The following ELFN1 variants were observed in gnomAD, a reference collection of about 807,000 sequenced individuals.
ELFN1 encodes extracellular leucine rich repeat and fibronectin type III domain containing 1.
A neutral mutation model predicts 7.6 loss-of-function variants in ELFN1; 6 were observed. The ratio of observed to expected loss-of-function variants is 0.79; its 90% CI spans 0.43 to 1.56. ELFN1 has a LOEUF of 1.56. ELFN1 is among the 40% of genes most tolerant of loss of function. The pLI is 0.01. For missense variants in ELFN1, 1,169 were observed against 1,232.2 expected, an observed-to-expected ratio of 0.95 and a Z score of 0.77; for synonymous variants, 657 against 588.1, an observed-to-expected ratio of 1.12 and a Z score of -1.70.
chr7:1,678,835 C>T (rs1034997227), intron 1 of ELFN1, among the ~76,000 whole-genome samples: 3 of 152,234 alleles, frequency 2.0e-5, no homozygotes, highest in Non-Finnish European at 2.9e-5. Context: ...GAATATTTGG[C>T]ACAGCAGCGA....
At chr7:1,697,041 G>A (rs1432441955) in intron 2 of ELFN1, among the ~76,000 whole-genome samples, 1 of 152,242 alleles carries the variant, frequency 6.6e-6, no homozygotes, top group Non-Finnish European at 1.5e-5. Context: ...GGGGTCCAAG[G>A]CCCAGCGCCC....
At chr7:1,716,256 T>G (rs373873284) in intron 3 of ELFN1, among the ~76,000 whole-genome samples, 5 of 152,282 alleles carry the variant, frequency 3.3e-5, no homozygotes, top group African/African-American at 1.2e-4. Flanking sequence ...TAATTCCAGG[T>G]TTCCCTGCTG....
intron 1 of ELFN1, among the ~76,000 whole-genome samples, chr7:1,676,670 G>C (rs1373978827): frequency 6.6e-6 from 1 of 152,248 alleles, no homozygotes; most frequent in Non-Finnish European, 1.5e-5. Context: ...TGTGCAAAGA[G>C]ACAGGGAAGG....
At position 1,673,586 on chromosome 7, in the gene ELFN1, G is replaced by A. The variant is rs768698004; in HGVS notation, c.-549+3232G>A. ...CCAGCCTCCTGGGGAGGGAGGGCGG[G>A]AGGTGAGAGACCACCCTGGGAGCGC... On this transcript the variant is annotated intron_variant, in intron 1 of 3. Transcript: ENST00000424383. This position sits in a 1 kb window ranked among gnomAD's most constrained non-coding sequence, Gnocchi z 4.7. Among the ~76,000 whole-genome samples, 35 of 152,172 alleles carry A rather than the reference G, an allele frequency of 2.3e-4. No homozygotes were observed. Among genetic ancestry groups the A allele is most frequent in the South Asian group, 1.0e-3 (5 of 4,814 alleles).
Position 1,747,361 on chromosome 7 carries a change from A to C in ELFN1, c.*278A>C, listed in dbSNP as rs540068317. On this transcript the variant is annotated 3_prime_UTR_variant, in exon 4 of 4. Coordinates refer to ENST00000424383, the MANE Select transcript of ELFN1 (RefSeq NM_001128636.4). Reference sequence around the variant, plus strand: ...GAGGGACTTCGGAAAACTGTGTCTTAGGGATGGGGGGTGGGGGTGGGGATT... The same window carrying C: ...GAGGGACTTCGGAAAACTGTGTCTTCGGGATGGGGGGTGGGGGTGGGGATT... 2.6e-3 allele frequency: 424 copies of C among 162,300 alleles called. 6 individuals carry two copies. Among genetic ancestry groups the C allele is most frequent in the African/African-American group, 0.012 (405 of 34,778 alleles). The allele number at this position is 162,300 out of a possible 1,614,324, so 10.1% of individuals were successfully genotyped here. A position where few individuals can be genotyped will look rare whatever the true frequency, so the allele number is the denominator to read the frequency against.
At chr7:1,676,545 G>A (rs1276151060) in intron 1 of ELFN1, among the ~76,000 whole-genome samples, 3 of 152,188 alleles carry the variant, frequency 2.0e-5, no homozygotes, top group Non-Finnish European at 2.9e-5. Flanking sequence ...GGGCAGAGCC[G>A]CCACTGCTGG....
At chr7:1,676,770 G>A (rs762295672) in intron 1 of ELFN1, among the ~76,000 whole-genome samples, 3 of 152,252 alleles carry the variant, frequency 2.0e-5, no homozygotes, top group South Asian at 2.1e-4. Context: ...GCAGCTGGCC[G>A]TGGGGGCTGA....
rs562435308 is a variant in ELFN1 at position 1,744,410 on chromosome 7, C to T, written c.-187C>T. On this transcript the variant is annotated 5_prime_UTR_variant, in exon 4 of 4. Transcript: ENST00000424383. Reference sequence around the variant, plus strand: ...ACTGGGGCGGAAGACGAGAGGCGGCCGGCCGTGAGGGAGGCGCCCTCCCTC... The same window carrying T: ...ACTGGGGCGGAAGACGAGAGGCGGCTGGCCGTGAGGGAGGCGCCCTCCCTC... The T allele has an allele frequency of 4.8e-5, 30 of 623,658 alleles. No individual in the cohort carries two copies. Among genetic ancestry groups the T allele is most frequent in the Non-Finnish European group, 6.5e-5 (25 of 384,484 alleles). The allele number at this position is 623,658 out of a possible 1,614,324, so 38.6% of individuals were successfully genotyped here.
intron 2 of ELFN1, among the ~76,000 whole-genome samples, chr7:1,704,965 G>T (rs1779501779): frequency 6.6e-6 from 1 of 152,152 alleles, no homozygotes; most frequent in Non-Finnish European, 1.5e-5. Context: ...GGACAGTGAG[G>T]ATGGGCCCTG....
At chr7:1,670,253 T>A (rs1196147114), upstream of ELFN1, among the ~76,000 whole-genome samples, 1 of 150,154 alleles carries the variant, frequency 6.7e-6, no homozygotes, top group Non-Finnish European at 1.5e-5. This position sits in a 1 kb window ranked among gnomAD's most constrained non-coding sequence, Gnocchi z 6.4. Flanking sequence ...CGCAGATCGA[T>A]GGGCGAAGCT....
At chr7:1,734,952 C>T (rs551420281) in intron 3 of ELFN1, among the ~76,000 whole-genome samples, 4 of 152,296 alleles carry the variant, frequency 2.6e-5, no homozygotes, top group African/African-American at 9.6e-5. Flanking sequence ...GCCTCCGCCT[C>T]CCAAAGTGCT....
chr7:1,667,366 G>A (rs992504891), upstream of ELFN1, among the ~76,000 whole-genome samples: 96 of 152,282 alleles, frequency 6.3e-4, no homozygotes, highest in African/African-American at 1.9e-3. This position sits in a 1 kb window ranked among gnomAD's most constrained non-coding sequence, Gnocchi z 8.2. Flanking sequence ...ATCTGAGGGC[G>A]GGGAGAGGTC....
At chr7:1,734,064 G>A (rs1780380197) in intron 3 of ELFN1, among the ~76,000 whole-genome samples, 1 of 152,212 alleles carries the variant, frequency 6.6e-6, no homozygotes, top group African/African-American at 2.4e-5. Flanking sequence ...TCTGCCTTCA[G>A]TCTCAAACCA....
chr7:1,695,527 C>T lies in ELFN1; in HGVS notation c.-456+7377C>T, dbSNP rs1279337131. On this transcript the variant is annotated intron_variant, in intron 2 of 3. Transcript: ENST00000424383. This position sits in a 1 kb window ranked among gnomAD's most constrained non-coding sequence, Gnocchi z 5.1. ...TTGGGAGGCTGAGGCGGGCAGATCACCTGAGGCCAGGAGTTCAAGACAAGC... is the reference window on the plus strand; with the variant it reads ...TTGGGAGGCTGAGGCGGGCAGATCATCTGAGGCCAGGAGTTCAAGACAAGC... Among the ~76,000 whole-genome samples, 1 of 152,032 alleles carries T rather than the reference C, an allele frequency of 6.6e-6. No homozygotes were observed. Among genetic ancestry groups the T allele is most frequent in the Non-Finnish European group, 1.5e-5 (1 of 68,014 alleles).
intron 3 of ELFN1, among the ~76,000 whole-genome samples, chr7:1,736,922 A>G (rs1780464812): frequency 6.6e-6 from 1 of 151,788 alleles, no homozygotes; most frequent in African/African-American, 2.4e-5. Flanking sequence ...CCTTCTGAGC[A>G]GAGAAGCCCA....
At chr7:1,731,897 G>A (rs1416099864) in intron 3 of ELFN1, among the ~76,000 whole-genome samples, 3 of 152,190 alleles carry the variant, frequency 2.0e-5, no homozygotes, top group African/African-American at 2.4e-5. Context: ...TGATCTGTCC[G>A]CCTCGGCCTC....
intron 2 of ELFN1, among the ~76,000 whole-genome samples, chr7:1,702,387 C>G (rs2128584763): frequency 6.6e-6 from 1 of 151,726 alleles, no homozygotes; most frequent in East Asian, 1.9e-4. Context: ...TACACCACTG[C>G]ACTCCATCCT....
At chr7:1,691,629 T>TG (rs1000795179) in intron 2 of ELFN1, among the ~76,000 whole-genome samples, 9 of 152,200 alleles carry the variant, frequency 5.9e-5, no homozygotes, top group Non-Finnish European at 7.3e-5. Flanking sequence ...AGCCCAGGCC[T>TG]GACCCACTGC....
In ELFN1 at chr7:1,735,978, C is replaced by T. The variant is rs1366512305; in HGVS notation, c.-293-8326C>T. 6.6e-6 allele frequency among the ~76,000 whole-genome samples: 1 copy of T among 152,162 alleles called. No homozygotes were observed. The highest frequency in any genetic ancestry group is 1.5e-5 in the Non-Finnish European group (1 of 68,020). On this transcript the variant is annotated intron_variant, in intron 3 of 3. Coordinates refer to ENST00000424383, the MANE Select transcript of ELFN1 (RefSeq NM_001128636.4). The surrounding 1 kb of genome is among the most constrained non-coding windows in gnomAD (Gnocchi z 5.9). ...CAGCAGGCGCACGGCAGAGCCAACA[C>T]CATCTCCTGGCCCACGATGGTTCTG... is the stretch of plus-strand genomic sequence containing the variant.
Sources: gnomAD v4.1 joint callset for allele counts (sites outside exome capture counted in the v4.1 genomes callset) on GRCh38, gnomAD v4.1.1 for gene constraint, Gnocchi (gnomAD v3.1) non-coding constraint, MANE v1.5 for transcripts, NCBI Gene and HGNC (gene_info 2026-07-23, HGNC 2026-07-21) for gene names.